Variants in ZNF516 observed in about 807,000 individuals in gnomAD.
ZNF516 encodes zinc finger protein 516.
In ZNF516, 19 loss-of-function variants were observed where a neutral mutation model predicts 79.7. That is an observed-to-expected ratio of 0.24 (90% CI 0.17 to 0.35). The LOEUF is 0.35. ZNF516 is among the 10% of genes least tolerant of loss of function. The pLI, the probability that ZNF516 is intolerant of heterozygous loss-of-function variation, is 1.00. For synonymous variants in ZNF516, 877 were observed against 739.5 expected, an observed-to-expected ratio of 1.19 and a Z score of -3.02; for missense variants, 1,678 against 1,679.5, an observed-to-expected ratio of 1.00 and a Z score of 0.02.
At chr18:76,486,440 CAAGTGTTA>C (rs1914837797) in intron 1 of ZNF516, among the ~76,000 whole-genome samples, 1 of 152,172 alleles carries the variant, frequency 6.6e-6, no homozygotes, top group South Asian at 2.1e-4. Flanking sequence ...GAGAGTTCTT[CAAGTGTTA>C]ATAGCGCTGA....
intron 3 of ZNF516, chr18:76,387,131 C>T (rs1352217426): frequency 2.6e-5 from 4 of 152,302 alleles, no homozygotes; most frequent in East Asian, 3.8e-4. Flanking sequence ...ACACAGCCAC[C>T]GTGGGACGAG....
Position 76,441,721 on chromosome 18 carries a change from C to T in ZNF516, c.1334G>A (p.Gly445Glu). The change falls in exon 3 of 7, where the codon GGG becomes GAG. Residue 445 changes from glycine to glutamate, a missense_variant. By Grantham distance (98) the Gly-to-Glu change is moderately conservative (BLOSUM62 -2). Transcript: ENST00000443185. The part of the protein sequence containing the change: ...KYGAWDEALA[G>E]DVAFDKDRRE... ...CCTGTCCTTGTCGAAGGCCACGTCC[C>T]CGGCCAGCGCCTCGTCCCAGGCCCC... 6.4e-7 allele frequency: 1 copy of T among 1,573,320 alleles called. No individual in the cohort carries two copies. The highest frequency in any genetic ancestry group is 8.6e-7 in the Non-Finnish European group (1 of 1,164,066).
intron 2 of ZNF516, among the ~76,000 whole-genome samples, chr18:76,452,223 A>G (rs1366574202): frequency 1.3e-5 from 2 of 152,262 alleles, no homozygotes; most frequent in Admixed American, 1.3e-4. Flanking sequence ...GGGGGCAGCC[A>G]GAGAACAATG....
At chr18:76,400,898 G>T (rs947535134) in intron 3 of ZNF516, among the ~76,000 whole-genome samples, 2 of 152,096 alleles carry the variant, frequency 1.3e-5, no homozygotes, top group Admixed American at 6.5e-5. Flanking sequence ...TCTCAGGCAG[G>T]CTTCCTTAAT....
In ZNF516 at chr18:76,360,617, T is replaced by A. The variant is rs1159364101; in HGVS notation, c.*1881A>T. ...TTCGTACATATCTGGTGTAAGAATA[T>A]CAGAAAAAAATAAGTAAAAAAAAAA... On this transcript the variant is annotated 3_prime_UTR_variant, in exon 7 of 7. Coordinates refer to ENST00000443185, the MANE Select transcript of ZNF516 (RefSeq NM_014643.4). 3 of 40,338 alleles carry A rather than the reference T, an allele frequency of 7.4e-5. No individual in the cohort carries two copies. Among genetic ancestry groups the A allele is most frequent in the Non-Finnish European group, 1.5e-4 (3 of 20,642 alleles). 2.5% of individuals were successfully genotyped at this position (40,338 alleles called of 1,614,324 possible). A position where few individuals can be genotyped will look rare whatever the true frequency, so the allele number is the denominator to read the frequency against.
rs2074526232 is a variant in ZNF516 at position 76,360,829 on chromosome 18, T to C, written c.*1669A>G. On this transcript the variant is annotated 3_prime_UTR_variant, in exon 7 of 7. Transcript: ENST00000443185. ...AATAATAATAATAATAATATAATAA[T>C]ATTCAACAAATCATTAGAACAGGAA... The C allele has an allele frequency of 6.7e-6, 1 of 148,446 alleles. No homozygotes were observed. Among genetic ancestry groups the C allele is most frequent in the Non-Finnish European group, 1.5e-5 (1 of 67,232 alleles). The allele number at this position is 148,446 out of a possible 1,614,324, so 9.2% of individuals were successfully genotyped here.
At position 76,379,344 on chromosome 18, in the gene ZNF516, C is replaced by T. The variant is rs1311324449; in HGVS notation, c.2770G>A (p.Gly924Ser). The T allele has an allele frequency of 1.3e-6, 2 of 1,593,402 alleles. No homozygotes were observed. The highest frequency in any genetic ancestry group is 1.1e-5 in the South Asian group (1 of 88,614). Residue 924 changes from glycine (G) to serine (S), a missense_variant, in exon 4 of 7, where the codon GGC becomes AGC. Transcript: ENST00000443185. ...SKPVPAPGGG[G>S]FSRSATPTPT... is the part of the protein sequence containing the mutation. Reference sequence around the variant, plus strand: ...GTAGGGGTGGCGCTCCTGCTGAAGCCCCCGCCACCCGGGGCAGGCACCGGT... The same window carrying T: ...GTAGGGGTGGCGCTCCTGCTGAAGCTCCCGCCACCCGGGGCAGGCACCGGT...
chr18:76,384,971 A>T (rs977647136), intron 3 of ZNF516, among the ~76,000 whole-genome samples: 4 of 152,228 alleles, frequency 2.6e-5, no homozygotes, highest in African/African-American at 9.6e-5. Context: ...GCTGGCTCAG[A>T]AAGGCCTGGC....
chr18:76,371,645 G>T, intron 4 of ZNF516, 74 bp from the exon 5 acceptor site: 1 of 1,235,572 alleles, frequency 8.1e-7, no homozygotes, highest in East Asian at 2.4e-5. Flanking sequence ...AGGAGAGCGA[G>T]GGGGAAGCGA....
At chr18:76,366,261 G>A (rs529198845) in intron 6 of ZNF516, among the ~76,000 whole-genome samples, 24 of 152,086 alleles carry the variant, frequency 1.6e-4, no homozygotes, top group Non-Finnish European at 2.2e-4. Context: ...TGAGATAGAC[G>A]GTATATCACA....
intron 3 of ZNF516, among the ~76,000 whole-genome samples, chr18:76,414,946 T>C (rs2848962): frequency 0.97 from 148,410 of 152,366 alleles, 72,307 homozygotes; most frequent in East Asian, 0.99. Flanking sequence ...GCCTGTAATC[T>C]CAGCACTTTG....
intron 1 of ZNF516, among the ~76,000 whole-genome samples, chr18:76,484,746 T>C (rs1277093200): frequency 6.6e-6 from 1 of 152,224 alleles, no homozygotes; most frequent in Non-Finnish European, 1.5e-5. Context: ...CTAACTGTAA[T>C]AACTTTCTTT....
intron 1 of ZNF516, among the ~76,000 whole-genome samples, chr18:76,484,202 C>G (rs1362315513): frequency 2.6e-5 from 4 of 152,324 alleles, no homozygotes; most frequent in Admixed American, 2.6e-4. Context: ...ATCAGGACGC[C>G]TGGATTTGAG....
intron 1 of ZNF516, among the ~76,000 whole-genome samples, chr18:76,465,886 G>T (rs1395153898): frequency 6.6e-6 from 1 of 152,164 alleles, no homozygotes; most frequent in African/African-American, 2.4e-5. Flanking sequence ...TTGGGAGAAG[G>T]ACCCGAGCGC....
chr18:76,431,647 T>A (rs550705562), intron 3 of ZNF516, among the ~76,000 whole-genome samples: 79 of 152,204 alleles, frequency 5.2e-4, no homozygotes, highest in Admixed American at 2.4e-3. Flanking sequence ...CTCGCTGAGT[T>A]CACGCGAGAT....
At chr18:76,430,591 T>C (rs2075649255) in intron 3 of ZNF516, among the ~76,000 whole-genome samples, 1 of 152,240 alleles carries the variant, frequency 6.6e-6, no homozygotes, top group African/African-American at 2.4e-5. Flanking sequence ...GATATGAGAT[T>C]CAAGCATGTA....
chr18:76,478,427 A>T (rs2145766483), intron 1 of ZNF516, among the ~76,000 whole-genome samples: 1 of 152,338 alleles, frequency 6.6e-6, no homozygotes, highest in South Asian at 2.1e-4. Flanking sequence ...AAAATGCAGC[A>T]AATTATGAAA....
intron 3 of ZNF516, among the ~76,000 whole-genome samples, chr18:76,384,547 T>C (rs11150950): frequency 0.95 from 110,552 of 115,764 alleles, 52,974 homozygotes; most frequent in Non-Finnish European, 1. Flanking sequence ...ACGCCCCCTC[T>C]GTGGTTCCAC....
At chr18:76,425,097 CCT>C (rs1362310122) in intron 3 of ZNF516, among the ~76,000 whole-genome samples, 10 of 152,084 alleles carry the variant, frequency 6.6e-5, no homozygotes, top group Admixed American at 5.9e-4. Context: ...CACAACCTCC[CCT>C]GACTCGGAAG....
Sources: gnomAD v4.1 joint callset for allele counts (sites outside exome capture counted in the v4.1 genomes callset) on GRCh38, gnomAD v4.1.1 for gene constraint, MANE v1.5 for transcripts, NCBI Gene and HGNC (gene_info 2026-07-23, HGNC 2026-07-21) for gene names.